The following CASZ1 variants were observed in gnomAD, a reference collection of about 807,000 sequenced individuals.
CASZ1 encodes castor zinc finger 1.
Under a neutral mutation model 135.2 loss-of-function variants are expected in CASZ1, and 28 were observed. The observed-to-expected ratio is 0.21, with a 90% CI of 0.15 to 0.28. CASZ1 has a LOEUF of 0.28. Among genes scored for constraint, CASZ1 ranks in the 10% least tolerant of loss-of-function variants. The pLI, the probability that CASZ1 is intolerant of heterozygous loss-of-function variation, is 1.00. For synonymous variants in CASZ1, 1,068 were observed against 1,073.4 expected (o/e 0.99, Z 0.10); for missense variants, 2,161 against 2,453.3 (o/e 0.88, Z 2.52).
intron 1 of CASZ1, among the ~76,000 whole-genome samples, chr1:10,766,808 A>G (rs895025649): frequency 2.0e-5 from 3 of 152,234 alleles, no homozygotes; most frequent in Admixed American, 6.5e-5. Context: ...ATAACCTGCA[A>G]TGAAGTAGAT....
chr1:10,768,057 G>A (rs1262074128), intron 1 of CASZ1, among the ~76,000 whole-genome samples: 1 of 152,208 alleles, frequency 6.6e-6, no homozygotes, highest in African/African-American at 2.4e-5. Flanking sequence ...CAAGGAGCGG[G>A]AGGCCTGCAC....
intron 4 of CASZ1, among the ~76,000 whole-genome samples, chr1:10,686,261 C>G (rs1404764448): frequency 6.6e-6 from 1 of 152,254 alleles, no homozygotes; most frequent in Non-Finnish European, 1.5e-5. Flanking sequence ...CTGTTAGCAG[C>G]ACTCACCACA....
At position 10,676,043 on chromosome 1, in the gene CASZ1, C is replaced by T. The variant is rs931880143; in HGVS notation, c.17-10472G>A. 1.3e-5 allele frequency among the ~76,000 whole-genome samples: 2 copies of T among 152,178 alleles called. No homozygotes were observed. The highest frequency in any genetic ancestry group is 6.5e-5 in the Admixed American group (1 of 15,290). On this transcript the variant is annotated intron_variant, in intron 4 of 20. Coordinates refer to ENST00000377022, the MANE Select transcript of CASZ1 (RefSeq NM_001079843.3). This position sits in a 1 kb window ranked among gnomAD's most constrained non-coding sequence, Gnocchi z 4.5. ...GCAGAGACAGTCAGGATGAACCAGG[C>T]GCCCAACCCCAGCAGCCAGGGAGGG... is the stretch of plus-strand genomic sequence containing the variant.
rs1398084872 is a variant in CASZ1 at position 10,653,709 on chromosome 1, G to C, written c.2348C>G (p.Ser783Ter). Residue 783 changes from serine to a stop codon, truncating the protein, a stop_gained, in exon 11 of 21, where the codon TCA (serine) becomes TGA (stop). Transcript: ENST00000377022. LOFTEE classifies it high-confidence loss of function. ...SGLLPQGLPG[S>*]IPLALALSNS... ...GGAGAGGGCCAGGGCCAGGGGGATT[G>C]AGCCAGGCAGGCCCTGGGGCAGCAG... 2 of 1,595,656 alleles carry C rather than the reference G, an allele frequency of 1.3e-6. No individual in the cohort carries two copies. Among genetic ancestry groups the C allele is most frequent in the African/African-American group, 2.7e-5 (2 of 74,590 alleles).
At chr1:10,645,355 C>A (rs572527482) in intron 17 of CASZ1, among the ~76,000 whole-genome samples, 92 of 152,280 alleles carry the variant, frequency 6.0e-4, no homozygotes, top group Non-Finnish European at 1.2e-3. Context: ...GAGGTGAAAC[C>A]CCGTCTCTAC....
rs1337046260 is a variant in CASZ1, at chr1:10,653,542, G to A, written c.2515C>T (p.Leu839=). Reference sequence around the variant, plus strand: ...GAGTCTCCAGCTCCCGAGGCGACCAGCGTGGGTGTGTCAGGGGTGGCTGAG... The same window carrying A: ...GAGTCTCCAGCTCCCGAGGCGACCAACGTGGGTGTGTCAGGGGTGGCTGAG... ...AASATPDTPT[L]VASGAGDSAP... is the part of the protein sequence containing the mutation. The change falls in exon 11 of 21, where the codon CTG becomes TTG. Residue 839 remains leucine (L), a synonymous_variant. Coordinates refer to ENST00000377022, the MANE Select transcript of CASZ1 (RefSeq NM_001079843.3). 1 of 1,595,798 alleles carries A rather than the reference G, an allele frequency of 6.3e-7. No individual in the cohort carries two copies. Among genetic ancestry groups the A allele is most frequent in the Non-Finnish European group, 8.6e-7 (1 of 1,169,536 alleles).
In CASZ1 at chr1:10,717,411, AT is replaced by A. The variant is rs1200279843; in HGVS notation, c.-76-11868del. Among the ~76,000 whole-genome samples the A allele has an allele frequency of 6.6e-6, 1 of 150,682 alleles. No individual in the cohort carries two copies. On this transcript the variant is annotated intron_variant, in intron 2 of 20. Coordinates refer to ENST00000377022, the MANE Select transcript of CASZ1 (RefSeq NM_001079843.3). The surrounding 1 kb of genome is among the most constrained non-coding windows in gnomAD (Gnocchi z 4.6). ...TTTTTCTTTTCTTTTCTTTTTTGCT[AT>A]TTATCAGCAGGTTGTGTGGAGCTGA... is the stretch of plus-strand genomic sequence containing the variant.
At chr1:10,740,582 TG>T (rs912927388) in intron 2 of CASZ1, among the ~76,000 whole-genome samples, 6 of 151,832 alleles carry the variant, frequency 4.0e-5, no homozygotes, top group Non-Finnish European at 8.8e-5. Context: ...TCAGAAGAGG[TG>T]GGAGAGAAGG....
In CASZ1 at chr1:10,706,996, G is replaced by C. The variant is rs961388945; in HGVS notation, c.-76-1452C>G. 2.6e-5 allele frequency among the ~76,000 whole-genome samples: 4 copies of C among 152,066 alleles called. No individual in the cohort carries two copies. The highest frequency in any genetic ancestry group is 2.6e-4 in the Admixed American group (4 of 15,278). On this transcript the variant is annotated intron_variant, in intron 2 of 20. Transcript: ENST00000377022. The surrounding 1 kb of genome is among the most constrained non-coding windows in gnomAD (Gnocchi z 4.3). ...AGGAGGCCGGCAGGGAGGGTCACAG[G>C]GTCCGGGGATGGAGACCCCCAGGCC...
intron 4 of CASZ1, among the ~76,000 whole-genome samples, chr1:10,668,812 T>C (rs1249964070): frequency 6.6e-6 from 1 of 152,216 alleles, no homozygotes; most frequent in Non-Finnish European, 1.5e-5. Flanking sequence ...GCACAGGGCC[T>C]AGCAGGGATG....
intron 1 of CASZ1, among the ~76,000 whole-genome samples, chr1:10,775,746 G>A (rs1640651378): frequency 6.6e-6 from 1 of 152,200 alleles, no homozygotes; most frequent in South Asian, 2.1e-4. Flanking sequence ...GAGGCCCGAT[G>A]TCAGGACAAG....
chr1:10,646,007 T>A lies in CASZ1; in HGVS notation c.3696+121A>T, dbSNP rs951274362. The A allele has an allele frequency of 4.8e-5, 47 of 986,138 alleles. No homozygotes were observed. Among genetic ancestry groups the A allele is most frequent in the Non-Finnish European group, 7.3e-5 (47 of 644,494 alleles). 61.1% of individuals were successfully genotyped at this position (986,138 alleles called of 1,614,324 possible). A position where few individuals can be genotyped will look rare whatever the true frequency, so the allele number is the denominator to read the frequency against. On this transcript the variant is annotated intron_variant, in intron 17 of 20. Transcript: ENST00000377022. The surrounding 1 kb of genome is among the most constrained non-coding windows in gnomAD (Gnocchi z 6.4). ...TCTTTCCAGAGTCCGGGAGGCCCATTTAAATAAGCAAGGTGTGAGAAATGG... is the reference window on the plus strand; with the variant it reads ...TCTTTCCAGAGTCCGGGAGGCCCATATAAATAAGCAAGGTGTGAGAAATGG...
At position 10,767,577 on chromosome 1, in the gene CASZ1, A is replaced by T. The variant is rs1390914169; in HGVS notation, c.-233-6720T>A. Among the ~76,000 whole-genome samples the T allele has an allele frequency of 3.9e-5, 6 of 152,176 alleles. No individual in the cohort carries two copies. Among genetic ancestry groups the T allele is most frequent in the Non-Finnish European group, 7.4e-5 (5 of 68,024 alleles). ...AGGTTTGGTCCACACCTGCTCGGAG[A>T]CCAGGCTTGGTGGCTCAGCCCTTTC... is the stretch of plus-strand genomic sequence containing the variant. On this transcript the variant is annotated intron_variant, in intron 1 of 20. Coordinates refer to ENST00000377022, the MANE Select transcript of CASZ1 (RefSeq NM_001079843.3). This position sits in a 1 kb window ranked among gnomAD's most constrained non-coding sequence, Gnocchi z 4.2.
At chr1:10,772,645 CAG>C (rs1640596244) in intron 1 of CASZ1, among the ~76,000 whole-genome samples, 2 of 152,298 alleles carry the variant, frequency 1.3e-5, no homozygotes, top group African/African-American at 4.8e-5. Flanking sequence ...GAAGCTCGGC[CAG>C]TTTAACGAGG....
chr1:10,643,180 C>A lies in CASZ1; in HGVS notation c.4000G>T (p.Asp1334Tyr). Reference sequence around the variant, plus strand: ...CTCACCTGGGAGGGGGGCACGCGGTCGAAGTTCTTCCCCAGCATCCTCCGC... The same window carrying A: ...CTCACCTGGGAGGGGGGCACGCGGTAGAAGTTCTTCCCCAGCATCCTCCGC... Reference protein sequence around the residue: ...HMRRMLGKNFDRVPPSQGPPG... With the variant: ...HMRRMLGKNFYRVPPSQGPPG... The change falls in exon 19 of 21, where the codon GAC (aspartate) becomes TAC (tyrosine). Residue 1334 changes from aspartate to tyrosine, a missense_variant. This residue lies in a region of CASZ1 where 349 missense variants were observed against 460.8 expected (regional missense o/e 0.76). Transcript: ENST00000377022. 6.2e-7 allele frequency: 1 copy of A among 1,611,794 alleles called. No individual in the cohort carries two copies. The highest frequency in any genetic ancestry group is 1.1e-5 in the South Asian group (1 of 91,002).
chr1:10,703,912 T>A (rs1335721962), intron 3 of CASZ1, among the ~76,000 whole-genome samples: 1 of 152,166 alleles, frequency 6.6e-6, no homozygotes, highest in Non-Finnish European at 1.5e-5. Flanking sequence ...AGACTGTGGG[T>A]CAAAGGGCTC....
rs1642981703 is a variant in CASZ1, at chr1:10,660,451, C to T, written c.591G>A (p.Arg197=). ...GMFGYDDQNT[R]DELARKISFE... Reference sequence around the variant, plus strand: ...AGCTGATCTTCCTGGCCAGCTCGTCCCGCGTGTTCTGGTCATCATAGCCAA... The same window carrying T: ...AGCTGATCTTCCTGGCCAGCTCGTCTCGCGTGTTCTGGTCATCATAGCCAA... Residue 197 remains arginine (R), a synonymous_variant, in exon 6 of 21, where the codon CGG becomes CGA. Coordinates refer to ENST00000377022, the MANE Select transcript of CASZ1 (RefSeq NM_001079843.3). The T allele has an allele frequency of 1.2e-6, 2 of 1,614,166 alleles. No homozygotes were observed. Among genetic ancestry groups the T allele is most frequent in the African/African-American group, 2.7e-5 (2 of 75,064 alleles).
chr1:10,795,642 G>C (rs1290326710), intron 1 of CASZ1, among the ~76,000 whole-genome samples: 1 of 152,208 alleles, frequency 6.6e-6, no homozygotes, highest in African/African-American at 2.4e-5. Context: ...CCGACAGCCG[G>C]GCAGCTCTGG....
chr1:10,661,835 A>C (rs986962540), intron 5 of CASZ1, among the ~76,000 whole-genome samples: 1 of 151,992 alleles, frequency 6.6e-6, no homozygotes, highest in East Asian at 1.9e-4. Flanking sequence ...ACACAATCAC[A>C]TACAACACAC....
Sources: gnomAD v4.1 joint callset for allele counts (sites outside exome capture counted in the v4.1 genomes callset) on GRCh38, gnomAD v4.1.1 for gene constraint, gnomAD v4.1.1 regional missense constraint, Gnocchi (gnomAD v3.1) non-coding constraint, MANE v1.5 for transcripts, NCBI Gene and HGNC (gene_info 2026-07-23, HGNC 2026-07-21) for gene names.